MICAL3: variants seen among roughly 807,000 people sequenced by gnomAD.
The protein encoded by MICAL3 is [F-actin]-monooxygenase MICAL3.
Under a neutral mutation model 207.4 loss-of-function variants are expected in MICAL3, and 62 were observed. The observed-to-expected ratio is 0.30, with a 90% CI of 0.24 to 0.37. The LOEUF is 0.37. MICAL3 is among the 10% of genes least tolerant of loss of function. The probability of loss-of-function intolerance (pLI) is 1.00; values close to 1 mark genes in which losing one functional copy is unlikely to be tolerated. For missense variants in MICAL3, 2,368 were observed against 2,635.6 expected (o/e 0.90, Z 2.22); for synonymous variants, 1,077 against 1,069.3 (o/e 1.01, Z -0.14).
chr22:18,008,917 C>T (rs1308398679), intron 1 of MICAL3, among the ~76,000 whole-genome samples: 1 of 151,762 alleles, frequency 6.6e-6, no homozygotes, highest in Non-Finnish European at 1.5e-5. Flanking sequence ...CAGCGAGAGG[C>T]TGTCTCTTCA....
Position 17,833,140 on chromosome 22 carries a change from AC to A in MICAL3, c.2802-1034del, listed in dbSNP as rs371112174. On this transcript the variant is annotated intron_variant, in intron 20 of 31. Coordinates refer to ENST00000441493, the MANE Select transcript of MICAL3 (RefSeq NM_015241.3). ...TCTGGCCACCCTCCTGCTGCAGTGT[AC>A]CCCACTCCTGCCCTGTGGAGGGAGG... 3.2e-4 allele frequency among the ~76,000 whole-genome samples: 48 copies of A among 152,152 alleles called. No homozygotes were observed. In the East Asian group the frequency reaches 9.1e-3, roughly 29 times the overall value.
intron 29 of MICAL3, among the ~76,000 whole-genome samples, chr22:17,799,452 G>A (rs2061913696): frequency 6.6e-6 from 1 of 152,218 alleles, no homozygotes; most frequent in South Asian, 2.1e-4. Flanking sequence ...ACGGAGTGGG[G>A]CCACCGTAGA....
intron 25 of MICAL3, among the ~76,000 whole-genome samples, chr22:17,820,826 A>G (rs1329196724): frequency 6.8e-6 from 1 of 147,616 alleles, no homozygotes; most frequent in Non-Finnish European, 1.5e-5. Context: ...ATTATTTTTA[A>G]TATATTATAA....
chr22:17,923,539 A>G (rs1441379816), intron 1 of MICAL3, among the ~76,000 whole-genome samples: 1 of 152,238 alleles, frequency 6.6e-6, no homozygotes, highest in Non-Finnish European at 1.5e-5. Context: ...CTGATGGCCA[A>G]AAGGCCCAGG....
Position 17,800,256 on chromosome 22 carries a change from G to A in MICAL3, c.5650+8588C>T, listed in dbSNP as rs1016394260. Among the ~76,000 whole-genome samples, 26 of 152,270 alleles carry A rather than the reference G, an allele frequency of 1.7e-4. No homozygotes were observed. In the East Asian group the frequency reaches 3.3e-3, roughly 19 times the overall value. On this transcript the variant is annotated intron_variant, in intron 29 of 31. Coordinates refer to ENST00000441493, the MANE Select transcript of MICAL3 (RefSeq NM_015241.3). Reference sequence around the variant, plus strand: ...ATATAAATCAAGAGATGAGGTCCCCGAAAACTAGAAATTATGTGTGTGTAT... The same window carrying A: ...ATATAAATCAAGAGATGAGGTCCCCAAAAACTAGAAATTATGTGTGTGTAT...
rs201703400 is a variant in MICAL3 at position 17,818,420 on chromosome 22, C to A, written c.4241G>T (p.Ser1414Ile). 1 of 1,612,324 alleles carries A rather than the reference C, an allele frequency of 6.2e-7. No homozygotes were observed. The highest frequency in any genetic ancestry group is 1.3e-5 in the African/African-American group (1 of 75,064). The change falls in exon 26 of 32, where the codon AGC (serine) becomes ATC (isoleucine). Residue 1414 changes from serine (S) to isoleucine (I), a missense_variant. Transcript: ENST00000441493. ...CAGCTCCCTGCGCTCCTCCTGGGCG[C>A]TGCGTAGCTCTCTGTCGGACGGGGA... ...PRSPSDRELR[S>I]AQEERRELSS...
Position 17,901,002 on chromosome 22 carries a change from A to G in MICAL3, c.692-5T>C. On this transcript the variant is annotated splice_region_variant and splice_polypyrimidine_tract_variant and intron_variant, in intron 5 of 31. Transcript: ENST00000441493. ...GGAATTCTTTCCGACGAAACCCTGG[A>G]GGGAAATAAATTTTCAGAGGTGATA... 6.2e-7 allele frequency: 1 copy of G among 1,613,894 alleles called. No individual in the cohort carries two copies. The highest frequency in any genetic ancestry group is 8.5e-7 in the Non-Finnish European group (1 of 1,179,776).
At chr22:17,986,462 G>C (rs575162095) in intron 1 of MICAL3, among the ~76,000 whole-genome samples, 3 of 151,992 alleles carry the variant, frequency 2.0e-5, no homozygotes, top group Non-Finnish European at 2.9e-5. Flanking sequence ...AGAGGCTGCA[G>C]TGAGCCAAGA....
intron 1 of MICAL3, among the ~76,000 whole-genome samples, chr22:17,968,720 C>T (rs1369496401): frequency 1.3e-5 from 2 of 152,164 alleles, no homozygotes; most frequent in African/African-American, 4.8e-5. Context: ...TCACCTTCCT[C>T]AAACAGATGT....
chr22:17,905,313 G>A (rs1218822745), intron 2 of MICAL3, among the ~76,000 whole-genome samples: 1 of 152,160 alleles, frequency 6.6e-6, no homozygotes, highest in East Asian at 1.9e-4. Context: ...TGATTCCCGG[G>A]AAGCAATTTT....
chr22:17,867,167 A>C (rs1927241728), intron 17 of MICAL3, among the ~76,000 whole-genome samples: 1 of 152,188 alleles, frequency 6.6e-6, no homozygotes, highest in Non-Finnish European at 1.5e-5. Flanking sequence ...CTCCCTATCC[A>C]ATGCTGAATA....
intron 19 of MICAL3, chr22:17,842,343 CAGCCAGG>C: frequency 3.5e-6 from 1 of 282,150 alleles, no homozygotes; most frequent in Non-Finnish European, 6.8e-6. Context: ...AGACCGCAGG[CAGCCAGG>C]AGCCAGGTGC....
intron 15 of MICAL3, among the ~76,000 whole-genome samples, 161 bp downstream of exon 15, chr22:17,887,009 A>G (rs1429959748): frequency 1.3e-5 from 2 of 149,482 alleles, no homozygotes; most frequent in South Asian, 4.2e-4. Context: ...AAAAAAAAAA[A>G]AAAAAAAGAA....
rs1921636088 is a variant in MICAL3, at chr22:17,821,517, G to A, written c.3449-8C>T. ...TGGTGGCTTGGGAGGGACCTGAAAA[G>A]AATGAACACAGGGACTTACAAGAGG... is the stretch of plus-strand genomic sequence containing the variant. On this transcript the variant is annotated splice_region_variant and splice_polypyrimidine_tract_variant and intron_variant, in intron 24 of 31. Coordinates refer to ENST00000441493, the MANE Select transcript of MICAL3 (RefSeq NM_015241.3). 1.3e-6 allele frequency: 2 copies of A among 1,537,932 alleles called. No homozygotes were observed. The highest frequency in any genetic ancestry group is 1.8e-6 in the Non-Finnish European group (2 of 1,142,702).
intron 16 of MICAL3, among the ~76,000 whole-genome samples, chr22:17,877,445 G>A (rs797001002): frequency 1.2e-3 from 125 of 104,812 alleles, no homozygotes; most frequent in Non-Finnish European, 1.5e-3. Context: ...AGGTGAGGGA[G>A]GTTATGGAGG....
chr22:18,002,131 G>A (rs1923073534), intron 1 of MICAL3, among the ~76,000 whole-genome samples: 1 of 152,160 alleles, frequency 6.6e-6, no homozygotes, highest in African/African-American at 2.4e-5. Flanking sequence ...CCGGGAGGCG[G>A]AAGTTGCAGT....
At chr22:17,842,072 G>C in intron 19 of MICAL3, 55 bp from the exon 20 acceptor site, 1 of 1,530,650 alleles carries the variant, frequency 6.5e-7, no homozygotes, top group Middle Eastern at 1.8e-4. Context: ...ACGGGGCGTG[G>C]GGGTGGGGGC....
Position 18,023,874 on chromosome 22 carries a change from C to A in MICAL3, c.-75+407G>T, listed in dbSNP as rs537441025. On this transcript the variant is annotated intron_variant, in intron 1 of 31. Transcript: ENST00000441493. ...GCTGAGCTAGCCAGAGCGGACCCGG[C>A]TTCGCCAAGGGCCTGCTGGCTGTCC... Among the ~76,000 whole-genome samples the A allele has an allele frequency of 1.1e-4, 17 of 152,140 alleles. No individual in the cohort carries two copies. In the South Asian group the frequency reaches 3.5e-3, roughly 32 times the overall value.
At chr22:17,986,908 A>C (rs142882936) in intron 1 of MICAL3, among the ~76,000 whole-genome samples, 1 of 152,034 alleles carries the variant, frequency 6.6e-6, no homozygotes, top group Non-Finnish European at 1.5e-5. Context: ...ATTCCATTTT[A>C]TTTTCTAGAG....
Sources: gnomAD v4.1 joint callset for allele counts (sites outside exome capture counted in the v4.1 genomes callset) on GRCh38, gnomAD v4.1.1 for gene constraint, MANE v1.5 for transcripts, NCBI Gene and HGNC (gene_info 2026-07-23, HGNC 2026-07-21) for gene names.